The following ANAPC1 variants were observed in gnomAD, a reference collection of about 807,000 sequenced individuals.
The protein encoded by ANAPC1 is anaphase promoting complex subunit 1, also known as anaphase-promoting complex subunit 1.
ANAPC1 carries 36 observed loss-of-function variants against 208.0 expected under a neutral mutation model. The observed-to-expected ratio is 0.17, with a 90% confidence interval of 0.13 to 0.23. The LOEUF is 0.23. Ranked by LOEUF, ANAPC1 falls within the 10% of genes least tolerant of loss-of-function variation. ANAPC1 has a pLI of 1.00. For synonymous variants in ANAPC1, 378 were observed against 695.2 expected, an observed-to-expected ratio of 0.54 and a Z score of 7.18; for missense variants, 942 against 2,011.6, an observed-to-expected ratio of 0.47 and a Z score of 10.17.
At chr2:111,822,100 A>C (rs1210094544) in intron 25 of ANAPC1, among the ~76,000 whole-genome samples, 1 of 150,894 alleles carries the variant, frequency 6.6e-6, no homozygotes, top group African/African-American at 2.4e-5. Flanking sequence ...TGTAATAATT[A>C]CAAAGTGGTT....
chr2:111,777,988 G>A (rs1314825161), intron 45 of ANAPC1, among the ~76,000 whole-genome samples: 1 of 152,276 alleles, frequency 6.6e-6, no homozygotes, highest in Admixed American at 6.5e-5. Flanking sequence ...TAAAGGATCT[G>A]TATTTTTAAG....
chr2:111,855,060 C>A (rs77402594), intron 13 of ANAPC1, among the ~76,000 whole-genome samples: 42,889 of 152,116 alleles, frequency 0.28, 6,507 homozygotes, highest in Non-Finnish European at 0.33. Flanking sequence ...TTCTTCCCTT[C>A]ATTTGAAAAC....
At chr2:111,843,347 T>C in intron 17 of ANAPC1, 65 bp downstream of exon 17, 1 of 1,539,226 alleles carries the variant, frequency 6.5e-7, no homozygotes, top group Admixed American at 1.7e-5. Context: ...CAATGTTATA[T>C]TACCAATTAT....
chr2:111,865,008 T>C (rs1682328154), intron 7 of ANAPC1, 57 bp from the exon 8 acceptor site: 19 of 1,525,170 alleles, frequency 1.2e-5, no homozygotes, highest in Non-Finnish European at 1.6e-5. Flanking sequence ...AAGACTGATA[T>C]TTATGAACAG....
At position 111,858,627 on chromosome 2, in the gene ANAPC1, T is replaced by C. The variant is rs189892741; in HGVS notation, c.1263-226A>G. ...TACAAAATAAATTAGCCAGGCATGA[T>C]GGCAGGCGCCTGTGGTCGCAGCTAC... On this transcript the variant is annotated intron_variant, in intron 10 of 47. Coordinates refer to ENST00000341068, the MANE Select transcript of ANAPC1 (RefSeq NM_022662.4). 1.9e-3 allele frequency among the ~76,000 whole-genome samples: 282 copies of C among 152,244 alleles called. 2 individuals carry two copies. Among genetic ancestry groups the C allele is most frequent in the Middle Eastern group, 6.8e-3 (2 of 294 alleles).
intron 17 of ANAPC1, among the ~76,000 whole-genome samples, chr2:111,843,144 A>G (rs1680859606): frequency 6.6e-6 from 1 of 152,216 alleles, no homozygotes; most frequent in South Asian, 2.1e-4. Context: ...ATCCTAGCAT[A>G]ACTTGCAGTC....
chr2:111,851,826 T>G (rs940875037), intron 13 of ANAPC1, among the ~76,000 whole-genome samples: 1 of 138,016 alleles, frequency 7.2e-6, no homozygotes, highest in Non-Finnish European at 1.6e-5. Flanking sequence ...AAAAAAAGAA[T>G]GAGTTGACAA....
chr2:111,826,224 T>G (rs546335093), intron 21 of ANAPC1, among the ~76,000 whole-genome samples: 20 of 152,278 alleles, frequency 1.3e-4, no homozygotes, highest in Admixed American at 1.1e-3. Flanking sequence ...AATTATAACA[T>G]AGAATAATTC....
At chr2:111,839,260 G>C (rs1460242846) in intron 17 of ANAPC1, among the ~76,000 whole-genome samples, 4 of 152,220 alleles carry the variant, frequency 2.6e-5, no homozygotes, top group African/African-American at 9.7e-5. Context: ...GCTAAGCCCT[G>C]TTATGTAAGC....
rs10645103 is a variant in ANAPC1 at position 111,851,810 on chromosome 2, C to CAAA, written c.1516-903_1516-901dup. 9.6e-3 allele frequency among the ~76,000 whole-genome samples: 1,369 copies of CAAA among 143,264 alleles called. 18 individuals carry two copies. The highest frequency in any genetic ancestry group is 0.03 in the South Asian group (135 of 4,450). The allele number at this position is 143,264 out of a possible 152,430, so 94.0% of individuals were successfully genotyped here. On this transcript the variant is annotated intron_variant, in intron 13 of 47. Transcript: ENST00000341068. Reference sequence around the variant, plus strand: ...AGGCAACAAGAACGAAACTCTGTCTCAAAAAAAAAAAAGAATGAGTTGACA... The same window carrying CAAA: ...AGGCAACAAGAACGAAACTCTGTCTCAAAAAAAAAAAAAAAGAATGAGTTGACA...
In ANAPC1 at chr2:111,872,712, C is replaced by G. The variant is rs373335710; in HGVS notation, c.529G>C (p.Val177Leu). The change falls in exon 6 of 48, where the codon GTT becomes CTT. Residue 177 changes from valine to leucine, a missense_variant and splice_region_variant. Transcript: ENST00000341068. Reference protein sequence around the residue: ...KDYIASLPFQVANVWPTKYGL... With the variant: ...KDYIASLPFQLANVWPTKYGL... ...TATTTAGTGGGCCAAACATTTGCAA[C>G]CTTTCAGGTAAAAGGGTGGGAAAAG... 6.2e-7 allele frequency: 1 copy of G among 1,610,964 alleles called. No homozygotes were observed. The highest frequency in any genetic ancestry group is 8.5e-7 in the Non-Finnish European group (1 of 1,177,424).
At chr2:111,776,791 C>A in intron 46 of ANAPC1, 68 bp downstream of exon 46, 1 of 243,700 alleles carries the variant, frequency 4.1e-6, no homozygotes, top group Non-Finnish European at 7.2e-6. Flanking sequence ...AACAAAGTTA[C>A]AACAGAAAAG....
chr2:111,863,979 T>C, intron 8 of ANAPC1, 84 bp from the exon 9 acceptor site: 1 of 1,439,088 alleles, frequency 6.9e-7, no homozygotes, highest in Non-Finnish European at 9.2e-7. Context: ...GAATGCAAGT[T>C]GAAGTCAGTT....
intron 14 of ANAPC1, among the ~76,000 whole-genome samples, chr2:111,850,407 T>C (rs539422157): frequency 1.6e-4 from 24 of 152,342 alleles, no homozygotes; most frequent in African/African-American, 5.3e-4. Flanking sequence ...TGTCCTCCCA[T>C]TGGATGTTAT....
At chr2:111,826,654 T>C (rs1271857367) in intron 21 of ANAPC1, among the ~76,000 whole-genome samples, 1 of 91,104 alleles carries the variant, frequency 1.1e-5, no homozygotes, top group Non-Finnish European at 2.2e-5. Flanking sequence ...AGCTGCTTTA[T>C]TTATTTATTT....
At chr2:111,863,132 C>CAACT (rs1268747657) in intron 9 of ANAPC1, among the ~76,000 whole-genome samples, 1 of 152,018 alleles carries the variant, frequency 6.6e-6, no homozygotes, top group Non-Finnish European at 1.5e-5. Context: ...AGAAATGAGG[C>CAACT]AACTAACCTT....
At chr2:111,873,827 G>C (rs888242692) in intron 3 of ANAPC1, among the ~76,000 whole-genome samples, 163 bp from the exon 4 acceptor site, 8 of 149,826 alleles carry the variant, frequency 5.3e-5, no homozygotes, top group Admixed American at 5.3e-4. Context: ...AAATAAATTA[G>C]AGTAATAAAT....
At chr2:111,789,207 A>G (rs945618872) in intron 38 of ANAPC1, among the ~76,000 whole-genome samples, 17 of 152,154 alleles carry the variant, frequency 1.1e-4, no homozygotes, top group African/African-American at 3.4e-4. Context: ...TTCCTCACCA[A>G]TATGATACAC....
chr2:111,878,008 T>C lies in ANAPC1; in HGVS notation c.375+802A>G, dbSNP rs1017347290. 2.6e-5 allele frequency among the ~76,000 whole-genome samples: 4 copies of C among 152,304 alleles called. No individual in the cohort carries two copies. In the East Asian group the frequency reaches 5.8e-4, roughly 22 times the overall value. ...GCTAGAAGCACATAATACTCCTTCA[T>C]GTCACTACTAATTATGCTAAACTCA... On this transcript the variant is annotated intron_variant, in intron 3 of 47. Coordinates refer to ENST00000341068, the MANE Select transcript of ANAPC1 (RefSeq NM_022662.4).
Sources: allele counts gnomAD v4.1 joint callset (sites outside exome capture counted in the v4.1 genomes callset), GRCh38; gene constraint gnomAD v4.1.1; transcripts MANE v1.5; gene names NCBI Gene and HGNC (gene_info 2026-07-23, HGNC 2026-07-21).